Variants in CSMD2 observed in about 807,000 individuals in gnomAD.
The protein encoded by CSMD2 is CUB and sushi domain-containing protein 2.
Under a neutral mutation model 398.5 loss-of-function variants are expected in CSMD2, and 130 were observed. That is an observed-to-expected ratio of 0.33 (90% CI 0.28 to 0.38). The LOEUF is 0.38. CSMD2 is among the 10% of genes least tolerant of loss of function. The pLI is 1.00. For synonymous variants in CSMD2, 1,828 were observed against 1,908.5 expected, an observed-to-expected ratio of 0.96 and a Z score of 1.10; for missense variants, 3,829 against 4,764.9, an observed-to-expected ratio of 0.80 and a Z score of 5.78.
chr1:34,018,603 AT>A (rs2148102595), intron 3 of CSMD2, among the ~76,000 whole-genome samples: 1 of 152,344 alleles, frequency 6.6e-6, no homozygotes, highest in Non-Finnish European at 1.5e-5. Flanking sequence ...ATAAAGTGCC[AT>A]TTCATTGTCT....
chr1:33,846,927 C>T lies in CSMD2; in HGVS notation c.990G>A (p.Ser330=), dbSNP rs368292640. The T allele has an allele frequency of 6.3e-5, 101 of 1,609,680 alleles. 1 individual carries two copies. Among genetic ancestry groups the T allele is most frequent in the Non-Finnish European group, 7.8e-5 (92 of 1,177,788 alleles). The stretch of plus-strand genomic sequence containing the variant: ...ATCCGCGCTGCCGGTGGTTGCCATC[C>T]GATGTGAAGTGCAGTCGCAGCCAGT... ...SKNWLRLHFT[S]DGNHRQRGFS... The change falls in exon 6 of 71, where the codon TCG becomes TCA. Residue 330 remains serine, a synonymous_variant. Coordinates refer to ENST00000373381, the MANE Select transcript of CSMD2 (RefSeq NM_001281956.2).
chr1:33,934,204 C>T (rs1644396880), intron 4 of CSMD2, among the ~76,000 whole-genome samples: 1 of 152,158 alleles, frequency 6.6e-6, no homozygotes, highest in Non-Finnish European at 1.5e-5. Context: ...CTAGTTATTC[C>T]AATGACTTCT....
intron 12 of CSMD2, among the ~76,000 whole-genome samples, chr1:33,783,349 G>C (rs1653037681): frequency 6.6e-6 from 1 of 151,792 alleles, no homozygotes; most frequent in African/African-American, 2.4e-5. Flanking sequence ...AAGTAATTAA[G>C]GTTAAATGAG....
intron 7 of CSMD2, among the ~76,000 whole-genome samples, chr1:33,821,219 G>T (rs1356965596): frequency 2.0e-5 from 3 of 152,180 alleles, no homozygotes; most frequent in South Asian, 4.1e-4. Context: ...GGTAGGTGGT[G>T]CAATGCTCTG....
At chr1:33,609,092 C>A (rs1032296892) in intron 41 of CSMD2, among the ~76,000 whole-genome samples, 2 of 152,246 alleles carry the variant, frequency 1.3e-5, no homozygotes, top group Non-Finnish European at 2.9e-5. Flanking sequence ...CCTGCACACA[C>A]CTTCCCTGGG....
chr1:34,157,620 C>G (rs1293083305), intron 1 of CSMD2, among the ~76,000 whole-genome samples: 3 of 151,126 alleles, frequency 2.0e-5, no homozygotes, highest in Admixed American at 1.3e-4. Context: ...CCTCACCCCC[C>G]ATCCCAGTCA....
intron 5 of CSMD2, among the ~76,000 whole-genome samples, chr1:33,906,363 C>A (rs376727051): frequency 6.6e-6 from 1 of 152,296 alleles, no homozygotes; most frequent in Admixed American, 6.5e-5. Flanking sequence ...CATGTCAGAT[C>A]TGCATTTTAA....
intron 25 of CSMD2, among the ~76,000 whole-genome samples, chr1:33,665,285 G>A (rs1571144389): frequency 6.6e-6 from 1 of 151,886 alleles, no homozygotes; most frequent in African/African-American, 2.4e-5. Flanking sequence ...TATCCATTTT[G>A]GTAAGAAGTG....
chr1:33,687,570 AG>A (rs1419618397), intron 25 of CSMD2, among the ~76,000 whole-genome samples: 3 of 152,222 alleles, frequency 2.0e-5, no homozygotes, highest in East Asian at 3.8e-4. Context: ...AATAAAAAAA[AG>A]CAATATAGAA....
At chr1:33,544,192 C>T (rs544784026) in intron 57 of CSMD2, among the ~76,000 whole-genome samples, 4 of 151,244 alleles carry the variant, frequency 2.6e-5, no homozygotes, top group South Asian at 2.1e-4. Context: ...CTGCAAGCTC[C>T]GCCTCCCGGG....
rs1642721969 is a variant in CSMD2 at position 33,635,164 on chromosome 1, G to A, written c.5086+50C>T. On this transcript the variant is annotated intron_variant, in intron 31 of 70. Coordinates refer to ENST00000373381, the MANE Select transcript of CSMD2 (RefSeq NM_001281956.2). The surrounding 1 kb of genome is among the most constrained non-coding windows in gnomAD (Gnocchi z 5.0). ...TCTGAGGAATTGCTCATTTTGGAAT[G>A]AGGGTGAGGAGTCAGAAAACATATG... 8.8e-7 allele frequency: 1 copy of A among 1,137,358 alleles called. No homozygotes were observed. The highest frequency in any genetic ancestry group is 1.3e-6 in the Non-Finnish European group (1 of 758,902). The allele number at this position is 1,137,358 out of a possible 1,614,324, so 70.5% of individuals were successfully genotyped here. A position where few individuals can be genotyped will look rare whatever the true frequency, so the allele number is the denominator to read the frequency against.
intron 3 of CSMD2, among the ~76,000 whole-genome samples, chr1:34,014,102 C>T (rs1440568822): frequency 6.6e-6 from 1 of 152,210 alleles, no homozygotes; most frequent in Non-Finnish European, 1.5e-5. Context: ...GTTCTATTAG[C>T]TCCACCTTCA....
chr1:34,139,595 G>A (rs1314869366), intron 1 of CSMD2, among the ~76,000 whole-genome samples: 1 of 152,202 alleles, frequency 6.6e-6, no homozygotes, highest in African/African-American at 2.4e-5. Flanking sequence ...AAAGCAGACA[G>A]AGTCACAAAC....
At chr1:33,823,158 C>T (rs2125007142) in intron 7 of CSMD2, among the ~76,000 whole-genome samples, 1 of 152,300 alleles carries the variant, frequency 6.6e-6, no homozygotes, top group South Asian at 2.1e-4. Context: ...AGAGCAGACC[C>T]TACCGCCTCC....
At chr1:33,890,317 G>A (rs548010026) in intron 5 of CSMD2, among the ~76,000 whole-genome samples, 3 of 144,588 alleles carry the variant, frequency 2.1e-5, no homozygotes, top group South Asian at 2.2e-4. Flanking sequence ...TGCAAGCTCC[G>A]CCTCCCGGGT....
At position 33,521,507 on chromosome 1, in the gene CSMD2, G is replaced by A; in HGVS notation, c.10553C>T (p.Ser3518Phe). The A allele has an allele frequency of 6.2e-7, 1 of 1,613,368 alleles. No homozygotes were observed. The highest frequency in any genetic ancestry group is 8.5e-7 in the Non-Finnish European group (1 of 1,179,498). Residue 3518 changes from serine to phenylalanine, a missense_variant, in exon 68 of 71, where the codon TCT becomes TTT. Around this residue, in one of 5 missense-constraint regions of CSMD2, gnomAD observed 917 missense variants for 1,199.5 expected, o/e 0.76. Transcript: ENST00000373381. The part of the protein sequence containing the change: ...SSGATFIYQG[S>F]VKGQGFGQFG... The stretch of plus-strand genomic sequence containing the variant: ...CTGCCCAAAGCCTTGGCCCTTGACA[G>A]AGCCTTGGTAGATGAAGGTGGCTCC...
At chr1:33,831,707 A>T (rs574884860) in intron 6 of CSMD2, among the ~76,000 whole-genome samples, 1 of 152,332 alleles carries the variant, frequency 6.6e-6, no homozygotes, top group South Asian at 2.1e-4. Context: ...ATTAAAAGAC[A>T]TCGACTGGTA....
chr1:33,838,004 A>G (rs1004662256), intron 6 of CSMD2, among the ~76,000 whole-genome samples: 11 of 152,234 alleles, frequency 7.2e-5, no homozygotes, highest in African/African-American at 2.4e-4. Flanking sequence ...GGGCTGAGCT[A>G]GTGGGAGACA....
At chr1:33,918,032 G>A in intron 5 of CSMD2, 62 bp downstream of exon 5, 2 of 1,487,654 alleles carry the variant, frequency 1.3e-6, no homozygotes, top group South Asian at 2.3e-5. Flanking sequence ...GAGACTGCAA[G>A]CATCCCAGTA....
Sources: allele counts gnomAD v4.1 joint callset (sites outside exome capture counted in the v4.1 genomes callset), GRCh38; gene constraint gnomAD v4.1.1; regional missense constraint gnomAD v4.1.1; non-coding constraint Gnocchi (gnomAD v3.1); transcripts MANE v1.5; gene names NCBI Gene and HGNC (gene_info 2026-07-23, HGNC 2026-07-21).